Variants in RIC1 observed in about 807,000 individuals in gnomAD.
The protein encoded by RIC1 is guanine nucleotide exchange factor subunit RIC1.
RIC1 carries 88 observed loss-of-function variants against 169.0 expected under a neutral mutation model. The ratio of observed to expected loss-of-function variants is 0.52; its 90% CI spans 0.44 to 0.62. The LOEUF (loss-of-function observed/expected upper bound fraction) is 0.62. Ranked by LOEUF, RIC1 falls within the 20% of genes least tolerant of loss-of-function variation. RIC1 has a pLI of 0.00. For synonymous variants in RIC1, 790 were observed against 601.5 expected, an observed-to-expected ratio of 1.31 and a Z score of -4.59; for missense variants, 1,877 against 1,725.5, an observed-to-expected ratio of 1.09 and a Z score of -1.56.
intron 4 of RIC1, among the ~76,000 whole-genome samples, chr9:5,717,620 G>A (rs1200371724): frequency 6.6e-6 from 1 of 152,064 alleles, no homozygotes; most frequent in Non-Finnish European, 1.5e-5. Flanking sequence ...CGAGGCGGGT[G>A]GATCACCTGA....
rs567800548 is a variant in RIC1 at position 5,674,233 on chromosome 9, A to G, written c.253-15726A>G. 2.1e-3 allele frequency among the ~76,000 whole-genome samples: 317 copies of G among 152,222 alleles called. 3 individuals carry two copies. The highest frequency in any genetic ancestry group is 7.1e-3 in the African/African-American group (295 of 41,552). ...TTTCTGTGTTTCTTGGGTTTTCTTC[A>G]TTGAACATGGAGAAATTTGTCATTC... On this transcript the variant is annotated intron_variant, in intron 2 of 25. Coordinates refer to ENST00000414202, the MANE Select transcript of RIC1 (RefSeq NM_020829.4).
At chr9:5,720,413 A>G (rs1005802538) in intron 5 of RIC1, 89 bp downstream of exon 5, 3 of 1,358,150 alleles carry the variant, frequency 2.2e-6, no homozygotes, top group Admixed American at 4.2e-5. Context: ...CTTCTTTGGA[A>G]TTACTTATGC....
intron 2 of RIC1, among the ~76,000 whole-genome samples, chr9:5,675,615 TTAA>T (rs1248338624): frequency 6.6e-6 from 1 of 152,194 alleles, no homozygotes; most frequent in Non-Finnish European, 1.5e-5. Flanking sequence ...AGGTAGTCAC[TTAA>T]TAAATTAATG....
At chr9:5,691,624 A>T (rs1378917072) in intron 3 of RIC1, among the ~76,000 whole-genome samples, 1 of 151,916 alleles carries the variant, frequency 6.6e-6, no homozygotes, top group Non-Finnish European at 1.5e-5. Flanking sequence ...CTGAAAAAAG[A>T]ATTTTTTTGC....
chr9:5,764,535 A>G (rs902364519), intron 19 of RIC1, among the ~76,000 whole-genome samples: 2 of 152,214 alleles, frequency 1.3e-5, no homozygotes, highest in African/African-American at 4.8e-5. Flanking sequence ...AGTTACTGCA[A>G]AGTTGTTTCC....
At chr9:5,755,558 G>C (rs115448118) in intron 15 of RIC1, among the ~76,000 whole-genome samples, 1,867 of 152,292 alleles carry the variant, frequency 0.012, 53 homozygotes, top group African/African-American at 0.043. Flanking sequence ...CAAAGCCATG[G>C]ATAAGAGAGA....
intron 2 of RIC1, among the ~76,000 whole-genome samples, chr9:5,686,018 A>G (rs1821197817): frequency 6.6e-6 from 1 of 152,110 alleles, no homozygotes; most frequent in Non-Finnish European, 1.5e-5. Context: ...CAAAAAACAC[A>G]TGAAAAAATG....
In RIC1 at chr9:5,775,773, C is replaced by G. The variant is rs1162780111; in HGVS notation, c.*1527C>G. On this transcript the variant is annotated 3_prime_UTR_variant, in exon 26 of 26. Coordinates refer to ENST00000414202, the MANE Select transcript of RIC1 (RefSeq NM_020829.4). ...GAGTTGGGTAATTTACTATCATTTA[C>G]TTTTTACATTACAAGTGCAATAATA... is the stretch of plus-strand genomic sequence containing the variant. The G allele has an allele frequency of 1.3e-5, 2 of 152,142 alleles. No homozygotes were observed. The highest frequency in any genetic ancestry group is 2.9e-5 in the Non-Finnish European group (2 of 68,014). 9.4% of individuals were successfully genotyped at this position (152,142 alleles called of 1,614,324 possible).
intron 23 of RIC1, 42 bp downstream of exon 23, chr9:5,770,320 G>C: frequency 6.6e-7 from 1 of 1,516,974 alleles, no homozygotes; most frequent in Middle Eastern, 1.7e-4. Flanking sequence ...TTCCTTTGAA[G>C]AAAATTTATG....
chr9:5,711,990 G>C (rs539176177), intron 3 of RIC1, among the ~76,000 whole-genome samples: 63 of 152,208 alleles, frequency 4.1e-4, no homozygotes, highest in African/African-American at 1.5e-3. Flanking sequence ...GAACATTTGG[G>C]TTGGTTCCAA....
intron 22 of RIC1, 189 bp downstream of exon 22, chr9:5,769,445 A>C (rs769657355): frequency 2.0e-6 from 3 of 1,503,688 alleles, no homozygotes; most frequent in African/African-American, 2.8e-5. Context: ...AGTAGAACCT[A>C]TGTCTCTAAG....
intron 23 of RIC1, among the ~76,000 whole-genome samples, chr9:5,771,229 T>TC: frequency 6.6e-6 from 1 of 152,260 alleles, no homozygotes; most frequent in East Asian, 1.9e-4. Context: ...CATACCTTCT[T>TC]CCCCCAGCCA....
intron 7 of RIC1, 111 bp downstream of exon 7, chr9:5,732,590 T>A (rs1824438347): frequency 1.8e-6 from 1 of 566,754 alleles, no homozygotes; most frequent in Non-Finnish European, 3.1e-6. Context: ...CATCATGCTA[T>A]CATAATTTAT....
At chr9:5,686,802 G>C (rs1246286769) in intron 2 of RIC1, among the ~76,000 whole-genome samples, 1 of 152,006 alleles carries the variant, frequency 6.6e-6, no homozygotes, top group Admixed American at 6.5e-5. Flanking sequence ...ATATGTTAAT[G>C]AGGGATCTTG....
intron 7 of RIC1, among the ~76,000 whole-genome samples, chr9:5,737,349 T>G (rs1475096370): frequency 1.3e-5 from 2 of 152,150 alleles, no homozygotes; most frequent in Non-Finnish European, 2.9e-5. Context: ...AGCATATAGA[T>G]TTTAAAAATA....
intron 1 of RIC1, among the ~76,000 whole-genome samples, chr9:5,650,010 G>T (rs745828392): frequency 5.3e-5 from 8 of 152,198 alleles, no homozygotes; most frequent in Non-Finnish European, 1.2e-4. Flanking sequence ...AGCAGAGGCT[G>T]AGGTGAAGTT....
chr9:5,727,431 C>T (rs1824066859), intron 6 of RIC1, among the ~76,000 whole-genome samples: 1 of 152,164 alleles, frequency 6.6e-6, no homozygotes, highest in Admixed American at 6.5e-5. Flanking sequence ...TCTAGTTAGC[C>T]ATTTGTCTAA....
In RIC1 at chr9:5,739,272, C is replaced by T. The variant is rs1587075079; in HGVS notation, c.901+734C>T. On this transcript the variant is annotated intron_variant, in intron 8 of 25. Transcript: ENST00000414202. ...CACTCACAGTGGGCCATCTTTTAATCCATATTTCAGCTAACCACGCAAATC... is the reference window on the plus strand; with the variant it reads ...CACTCACAGTGGGCCATCTTTTAATTCATATTTCAGCTAACCACGCAAATC... 2.0e-5 allele frequency among the ~76,000 whole-genome samples: 3 copies of T among 152,272 alleles called. No individual in the cohort carries two copies. The South Asian group carries it at 6.2e-4, about 32-fold the overall frequency.
chr9:5,691,791 A>C (rs901904288), intron 3 of RIC1, among the ~76,000 whole-genome samples: 1 of 151,912 alleles, frequency 6.6e-6, no homozygotes, highest in Non-Finnish European at 1.5e-5. Flanking sequence ...CAACAATTTA[A>C]CTCCATTAAT....
Sources: allele counts gnomAD v4.1 joint callset (sites outside exome capture counted in the v4.1 genomes callset), GRCh38; gene constraint gnomAD v4.1.1; transcripts MANE v1.5; gene names NCBI Gene and HGNC (gene_info 2026-07-23, HGNC 2026-07-21).